The following PRKAG2 variants were observed in gnomAD, a reference collection of about 807,000 sequenced individuals.
PRKAG2 encodes the protein 5'-AMP-activated protein kinase subunit gamma-2.
Under a neutral mutation model 69.6 loss-of-function variants are expected in PRKAG2, and 26 were observed. The ratio of observed to expected loss-of-function variants is 0.37; its 90% CI spans 0.27 to 0.52. The LOEUF is 0.52. Among genes scored for constraint, PRKAG2 ranks in the 20% least tolerant of loss-of-function variants. The pLI, the probability that PRKAG2 is intolerant of heterozygous loss-of-function variation, is 0.90. For missense variants in PRKAG2, 557 were observed against 740.0 expected, an observed-to-expected ratio of 0.75 and a Z score of 2.87; for synonymous variants, 293 against 285.0, an observed-to-expected ratio of 1.03 and a Z score of -0.28.
rs771098031 is a variant in PRKAG2 at position 151,781,912 on chromosome 7, A to AT, written c.187-482dup. On this transcript the variant is annotated intron_variant, in intron 2 of 15. Coordinates refer to ENST00000287878, the MANE Select transcript of PRKAG2 (RefSeq NM_016203.4). The surrounding 1 kb of genome is among the most constrained non-coding windows in gnomAD (Gnocchi z 6.1). ...AGACCTCAGTCCTAGGTGATGATGA[A>AT]TTTTTCACCTCCAAGCTGCTTCAGC... Among the ~76,000 whole-genome samples the AT allele has an allele frequency of 9.2e-5, 14 of 152,054 alleles. No homozygotes were observed. The highest frequency in any genetic ancestry group is 3.4e-3 in the Middle Eastern group (1 of 292).
chr7:151,727,257 G>T (rs1798140226), intron 3 of PRKAG2, among the ~76,000 whole-genome samples: 1 of 152,146 alleles, frequency 6.6e-6, no homozygotes. Flanking sequence ...ATACTCAATG[G>T]TATTTGGTGT....
intron 3 of PRKAG2, among the ~76,000 whole-genome samples, chr7:151,720,673 GGGGGATGGAGGGGATGGAT>G (rs1474781152): frequency 8.7e-6 from 1 of 115,178 alleles, no homozygotes; most frequent in Non-Finnish European, 1.8e-5. Context: ...AGGGGATGGA[GGGGGATGGAGGGGATGGAT>G]GGGGACAGAG....
Position 151,560,633 on chromosome 7 carries a change from C to A in PRKAG2, c.1585-16G>T. On this transcript the variant is annotated splice_polypyrimidine_tract_variant and intron_variant, in intron 14 of 15. Coordinates refer to ENST00000287878, the MANE Select transcript of PRKAG2 (RefSeq NM_016203.4). ...GCCGATGGACCTGCAAAGAGAAAAG[C>A]AGGACACGTGAAAATTAACATTTAA... 1 of 1,613,818 alleles carries A rather than the reference C, an allele frequency of 6.2e-7. No homozygotes were observed. Among genetic ancestry groups the A allele is most frequent in the Non-Finnish European group, 8.5e-7 (1 of 1,179,740 alleles).
chr7:151,806,876 G>A (rs1313936872), intron 1 of PRKAG2: 1 of 418,022 alleles, frequency 2.4e-6, no homozygotes, highest in Non-Finnish European at 4.7e-6. Flanking sequence ...TGAGCCACGA[G>A]AATCGCTTGA....
chr7:151,620,367 G>C (rs1185012373), intron 5 of PRKAG2, among the ~76,000 whole-genome samples: 2 of 151,714 alleles, frequency 1.3e-5, no homozygotes, highest in Non-Finnish European at 2.9e-5. Flanking sequence ...TTAGAGATAG[G>C]ATCACATTAT....
rs936612796 is a variant in PRKAG2, at chr7:151,777,026, G to C, written c.466+4126C>G. On this transcript the variant is annotated intron_variant, in intron 3 of 15. Coordinates refer to ENST00000287878, the MANE Select transcript of PRKAG2 (RefSeq NM_016203.4). The surrounding 1 kb of genome is among the most constrained non-coding windows in gnomAD (Gnocchi z 4.3). ...CCCCACATTCCTCAGCCCGCAGCTG[G>C]AGCTCCTGCAGTACAGGAGATGGGT... Among the ~76,000 whole-genome samples, 3 of 152,144 alleles carry C rather than the reference G, an allele frequency of 2.0e-5. No homozygotes were observed. The highest frequency in any genetic ancestry group is 6.5e-5 in the Admixed American group (1 of 15,282).
chr7:151,775,849 T>C (rs527649467), intron 3 of PRKAG2, among the ~76,000 whole-genome samples: 1 of 152,316 alleles, frequency 6.6e-6, no homozygotes, highest in South Asian at 2.1e-4. Context: ...GATGGGCCGA[T>C]GGCATTACTC....
Position 151,717,796 on chromosome 7 carries a change from T to C in PRKAG2, c.467-42159A>G, listed in dbSNP as rs565267281. Among the ~76,000 whole-genome samples, 48 of 152,342 alleles carry C rather than the reference T, an allele frequency of 3.2e-4. 1 individual carries two copies. The East Asian group carries it at 7.9e-3, about 25-fold the overall frequency. Reference sequence around the variant, plus strand: ...TGGTGTGCTGAAAATAGTGGGGTTTTTCAGCCTATAAAGTTGATGAGCCAC... The same window carrying C: ...TGGTGTGCTGAAAATAGTGGGGTTTCTCAGCCTATAAAGTTGATGAGCCAC... On this transcript the variant is annotated intron_variant, in intron 3 of 15. Transcript: ENST00000287878.
chr7:151,755,224 C>G (rs1437767713), intron 3 of PRKAG2, among the ~76,000 whole-genome samples: 1 of 152,162 alleles, frequency 6.6e-6, no homozygotes, highest in East Asian at 1.9e-4. Context: ...ACACCCACAG[C>G]TGGGAGTGAG....
rs138880351 is a variant in PRKAG2 at position 151,776,360 on chromosome 7, C to T, written c.466+4792G>A. On this transcript the variant is annotated intron_variant, in intron 3 of 15. Transcript: ENST00000287878. The stretch of plus-strand genomic sequence containing the variant: ...GATGGTGTAACCGGGCTGTAACAGG[C>T]TCTGCCTTCTCCATAGTACCTGACA... Among the ~76,000 whole-genome samples, 556 of 152,328 alleles carry T rather than the reference C, an allele frequency of 3.7e-3. 1 individual carries two copies. The highest frequency in any genetic ancestry group is 0.013 in the African/African-American group (541 of 41,556).
chr7:151,661,649 T>C (rs1367379589), intron 4 of PRKAG2, among the ~76,000 whole-genome samples: 1 of 152,214 alleles, frequency 6.6e-6, no homozygotes, highest in East Asian at 1.9e-4. Flanking sequence ...AGAATAATAA[T>C]GCTTTAGAGT....
rs1938660284 is a variant in PRKAG2, at chr7:151,777,057, G to T, written c.466+4095C>A. ...CTGCAGTACAGGAGATGGGTTGGGG[G>T]ACTCACTCTCTGACTCCACCTGCCT... is the stretch of plus-strand genomic sequence containing the variant. On this transcript the variant is annotated intron_variant, in intron 3 of 15. Coordinates refer to ENST00000287878, the MANE Select transcript of PRKAG2 (RefSeq NM_016203.4). This position sits in a 1 kb window ranked among gnomAD's most constrained non-coding sequence, Gnocchi z 4.3. Among the ~76,000 whole-genome samples, 1 of 152,132 alleles carries T rather than the reference G, an allele frequency of 6.6e-6. No individual in the cohort carries two copies. Among genetic ancestry groups the T allele is most frequent in the South Asian group, 2.1e-4 (1 of 4,828 alleles).
intron 2 of PRKAG2, among the ~76,000 whole-genome samples, 187 bp downstream of exon 2, chr7:151,786,283 G>A (rs1461219792): frequency 1.3e-5 from 2 of 152,214 alleles, no homozygotes; most frequent in East Asian, 1.9e-4. Flanking sequence ...GGGATAGCCC[G>A]GCCGATACGC....
At chr7:151,651,699 G>T (rs536662835) in intron 4 of PRKAG2, among the ~76,000 whole-genome samples, 60 of 152,228 alleles carry the variant, frequency 3.9e-4, no homozygotes, top group African/African-American at 1.4e-3. Context: ...TCAATGATAT[G>T]GTGTCAGATT....
intron 1 of PRKAG2, among the ~76,000 whole-genome samples, chr7:151,800,007 C>A (rs987171904): frequency 1.3e-5 from 2 of 152,148 alleles, no homozygotes; most frequent in African/African-American, 2.4e-5. Flanking sequence ...AACCTCTACC[C>A]CCTCAGTGAG....
chr7:151,736,857 G>A (rs4726089), intron 3 of PRKAG2, among the ~76,000 whole-genome samples: 2,796 of 152,076 alleles, frequency 0.018, 175 homozygotes, highest in East Asian at 0.16. Flanking sequence ...GAGAGATCTA[G>A]TCCAACTCCC....
intron 3 of PRKAG2, among the ~76,000 whole-genome samples, chr7:151,700,594 T>C (rs1378395695): frequency 6.6e-6 from 1 of 152,150 alleles, no homozygotes; most frequent in African/African-American, 2.4e-5. Context: ...AGAAATTGGC[T>C]TTTCTGATGA....
chr7:151,673,051 C>T (rs982083294), intron 4 of PRKAG2, among the ~76,000 whole-genome samples: 10 of 152,244 alleles, frequency 6.6e-5, no homozygotes, highest in East Asian at 3.9e-4. Context: ...GTTACACTCG[C>T]GGGGAGGAAG....
chr7:151,625,584 T>C (rs375690941), intron 5 of PRKAG2, among the ~76,000 whole-genome samples: 22 of 152,152 alleles, frequency 1.4e-4, no homozygotes, highest in African/African-American at 5.3e-4. Flanking sequence ...CTGGGAGAGC[T>C]TGGCTGCTGG....
Sources: gnomAD v4.1 joint callset for allele counts (sites outside exome capture counted in the v4.1 genomes callset) on GRCh38, gnomAD v4.1.1 for gene constraint, Gnocchi (gnomAD v3.1) non-coding constraint, MANE v1.5 for transcripts, NCBI Gene and HGNC (gene_info 2026-07-23, HGNC 2026-07-21) for gene names.